The following PTPRG variants were observed in gnomAD, a reference collection of about 807,000 sequenced individuals.
PTPRG encodes protein tyrosine phosphatase receptor type G.
Under a neutral mutation model 165.3 loss-of-function variants are expected in PTPRG, and 102 were observed. The observed-to-expected ratio is 0.62, with a 90% CI of 0.53 to 0.73. The LOEUF is 0.73. PTPRG is among the 30% of genes least tolerant of loss of function. The probability of loss-of-function intolerance (pLI) is 0.00; values close to 1 mark genes in which losing one functional copy is unlikely to be tolerated. For synonymous variants in PTPRG, 675 were observed against 669.5 expected (o/e 1.01, Z -0.13); for missense variants, 1,866 against 1,861.4 (o/e 1.00, Z -0.05).
At chr3:61,602,700 C>T (rs937023036) in intron 1 of PTPRG, among the ~76,000 whole-genome samples, 12 of 152,158 alleles carry the variant, frequency 7.9e-5, no homozygotes, top group Non-Finnish European at 1.3e-4. Context: ...CTTGCAGGGC[C>T]AGGCTTGGTT....
At chr3:61,805,530 C>CAAAAAAA (rs58646519) in intron 2 of PTPRG, among the ~76,000 whole-genome samples, 4 of 96,490 alleles carry the variant, frequency 4.1e-5, no homozygotes, top group African/African-American at 6.9e-5. Context: ...ATGGGAAAGA[C>CAAAAAAA]AAAAAAAAAA....
At position 61,871,200 on chromosome 3, in the gene PTPRG, G is replaced by C. The variant is rs969080640; in HGVS notation, c.191-118425G>C. Among the ~76,000 whole-genome samples the C allele has an allele frequency of 6.0e-5, 9 of 150,086 alleles. 1 individual carries two copies. The highest frequency in any genetic ancestry group is 2.2e-4 in the African/African-American group (9 of 40,526). On this transcript the variant is annotated intron_variant, in intron 2 of 29. Coordinates refer to ENST00000474889, the MANE Select transcript of PTPRG (RefSeq NM_002841.4). ...GTTATGTTATGTTATGTTATGTTAT[G>C]TTATGTTATGTTATGTTATGTTATG...
At chr3:61,632,731 T>A (rs1455480553) in intron 1 of PTPRG, among the ~76,000 whole-genome samples, 1 of 152,234 alleles carries the variant, frequency 6.6e-6, no homozygotes, top group Non-Finnish European at 1.5e-5. Context: ...AGCATGTGTT[T>A]AAGTTGAGCA....
At chr3:61,885,039 GT>G (rs1159203169) in intron 2 of PTPRG, among the ~76,000 whole-genome samples, 4 of 152,130 alleles carry the variant, frequency 2.6e-5, no homozygotes, top group African/African-American at 7.2e-5. Context: ...GATGTGTGGT[GT>G]TTGCTTTCAT....
chr3:61,826,793 C>G (rs2036125303), intron 2 of PTPRG, among the ~76,000 whole-genome samples: 1 of 150,386 alleles, frequency 6.6e-6, no homozygotes, highest in African/African-American at 2.4e-5. Context: ...GTCCATTAGA[C>G]ATGATAGCCA....
chr3:62,152,147 C>T (rs1456774424), intron 6 of PTPRG, among the ~76,000 whole-genome samples: 1 of 151,764 alleles, frequency 6.6e-6, no homozygotes, highest in Non-Finnish European at 1.5e-5. Flanking sequence ...TGGAGGATTG[C>T]TTGAGGCCAG....
intron 12 of PTPRG, among the ~76,000 whole-genome samples, chr3:62,205,694 A>G (rs1228975084): frequency 6.6e-6 from 1 of 152,170 alleles, no homozygotes; most frequent in Non-Finnish European, 1.5e-5. Flanking sequence ...TTGAGGAGCT[A>G]TCAGGCCAGT....
chr3:61,582,350 TGATAA>T, intron 1 of PTPRG, among the ~76,000 whole-genome samples: 2 of 152,134 alleles, frequency 1.3e-5, no homozygotes, highest in Admixed American at 1.3e-4. Flanking sequence ...TATATCTAAA[TGATAA>T]AAATCACAAG....
At chr3:61,988,327 C>G (rs529037903) in intron 2 of PTPRG, among the ~76,000 whole-genome samples, 2 of 152,236 alleles carry the variant, frequency 1.3e-5, no homozygotes, top group Admixed American at 6.5e-5. Flanking sequence ...GTGATTGTCC[C>G]ATTTTTCTTG....
At chr3:61,868,860 C>T (rs1033481471) in intron 2 of PTPRG, among the ~76,000 whole-genome samples, 9 of 150,634 alleles carry the variant, frequency 6.0e-5, no homozygotes, top group African/African-American at 9.7e-5. Context: ...ATTCAATGTG[C>T]GCATTTATAA....
intron 5 of PTPRG, among the ~76,000 whole-genome samples, chr3:62,079,967 C>CATGG: frequency 6.6e-6 from 1 of 152,100 alleles, no homozygotes; most frequent in East Asian, 1.9e-4. Context: ...ATGGAGACCC[C>CATGG]ATGGTATACA....
intron 1 of PTPRG, among the ~76,000 whole-genome samples, chr3:61,748,424 C>T (rs995294544): frequency 6.6e-5 from 10 of 152,158 alleles, no homozygotes; most frequent in Non-Finnish European, 8.8e-5. Context: ...AAATGGAGCC[C>T]GAGGGTCTTT....
intron 1 of PTPRG, among the ~76,000 whole-genome samples, chr3:61,595,552 T>C (rs1190263619): frequency 6.6e-6 from 1 of 152,240 alleles, no homozygotes; most frequent in Non-Finnish European, 1.5e-5. Flanking sequence ...TTCATTTTGG[T>C]AACTTTAGTA....
intron 7 of PTPRG, among the ~76,000 whole-genome samples, chr3:62,166,414 G>T (rs1225286151): frequency 6.6e-6 from 1 of 151,000 alleles, no homozygotes; most frequent in Non-Finnish European, 1.5e-5. Flanking sequence ...TCGGTGCACT[G>T]CAGCCTCCGC....
intron 2 of PTPRG, among the ~76,000 whole-genome samples, chr3:61,756,262 C>T (rs1016639919): frequency 1.3e-5 from 2 of 152,082 alleles, no homozygotes; most frequent in African/African-American, 4.8e-5. Flanking sequence ...ATTGTATTTC[C>T]CTGTTGCTAC....
At chr3:61,837,586 A>G (rs753630311) in intron 2 of PTPRG, among the ~76,000 whole-genome samples, 7 of 152,190 alleles carry the variant, frequency 4.6e-5, no homozygotes, top group Non-Finnish European at 7.3e-5. Flanking sequence ...TTGATTGAAC[A>G]ATAGCAAGGT....
At chr3:62,053,059 G>A (rs796116889) in intron 4 of PTPRG, among the ~76,000 whole-genome samples, 14 of 151,962 alleles carry the variant, frequency 9.2e-5, no homozygotes, top group African/African-American at 3.1e-4. Context: ...AGTTTCAATA[G>A]TGTTTGACAA....
rs753500682 is a variant in PTPRG at position 62,293,272 on chromosome 3, T to G, written c.4303T>G (p.Ser1435Ala). 10 of 1,607,502 alleles carry G rather than the reference T, an allele frequency of 6.2e-6. No homozygotes were observed. Among genetic ancestry groups the G allele is most frequent in the Middle Eastern group, 1.7e-4 (1 of 6,030 alleles). The change falls in exon 30 of 30, where the codon TCA (serine) becomes GCA (alanine). Residue 1435 changes from serine to alanine, a missense_variant. This residue lies in a region of PTPRG where 1,452 missense variants were observed against 1,463.0 expected (regional missense o/e 0.99). Transcript: ENST00000474889. The stretch of plus-strand genomic sequence containing the variant: ...TGGTGCTGTTCTTATTGCAGATGAA[T>G]CAGACCCTGCTGAGAGCATGGAGTC... ...KNGAVLIADE[S>A]DPAESMESLV
chr3:61,787,452 A>G (rs1374073121), intron 2 of PTPRG, among the ~76,000 whole-genome samples: 4 of 152,144 alleles, frequency 2.6e-5, no homozygotes, highest in African/African-American at 4.8e-5. Context: ...GTTTTAGTGG[A>G]TGGGTTATCT....
Sources: allele counts gnomAD v4.1 joint callset (sites outside exome capture counted in the v4.1 genomes callset), GRCh38; gene constraint gnomAD v4.1.1; regional missense constraint gnomAD v4.1.1; transcripts MANE v1.5; gene names NCBI Gene and HGNC (gene_info 2026-07-23, HGNC 2026-07-21).